NCOR1: variants seen among roughly 807,000 people sequenced by gnomAD.
NCOR1 encodes the protein protein phosphatase 1, regulatory subunit 109.
In NCOR1, 63 loss-of-function variants were observed where a neutral mutation model predicts 288.1. That is an observed-to-expected ratio of 0.22 (90% CI 0.18 to 0.27). The LOEUF (loss-of-function observed/expected upper bound fraction) is 0.27. Ranked by LOEUF, NCOR1 falls within the 10% of genes least tolerant of loss-of-function variation. NCOR1 has a pLI of 1.00. For synonymous variants in NCOR1, 1,007 were observed against 1,065.9 expected, an observed-to-expected ratio of 0.94 and a Z score of 1.08; for missense variants, 2,397 against 3,019.2, an observed-to-expected ratio of 0.79 and a Z score of 4.83.
intron 1 of NCOR1, among the ~76,000 whole-genome samples, chr17:16,207,413 C>T (rs1600583246): frequency 6.6e-6 from 1 of 152,126 alleles, no homozygotes; most frequent in Non-Finnish European, 1.5e-5. Context: ...AAAGGTGACT[C>T]TCATCATAAA....
At chr17:16,161,230 GACACAC>G (rs67635232) in intron 5 of NCOR1, among the ~76,000 whole-genome samples, 3,742 of 143,192 alleles carry the variant, frequency 0.026, 65 homozygotes, top group East Asian at 0.064. Flanking sequence ...AACACACACA[GACACAC>G]ACACACACAC....
At position 16,121,099 on chromosome 17, in the gene NCOR1, G is replaced by T; in HGVS notation, c.1805C>A (p.Ala602Glu). 6.2e-7 allele frequency: 1 copy of T among 1,614,074 alleles called. No homozygotes were observed. Among genetic ancestry groups the T allele is most frequent in the Non-Finnish European group, 8.5e-7 (1 of 1,179,972 alleles). ...AGGTGGTGGGGGCTCTTCAGTAGCC[G>T]CTGCGGCTGCAGCACTGGCAGCTGC... ...EAAAASAAAA[A>E]ATEEPPPPLP... The change falls in exon 16 of 46, where the codon GCG (alanine) becomes GAG (glutamate). Residue 602 changes from alanine (A) to glutamate (E), a missense_variant. This residue lies in a region of NCOR1 where 113 missense variants were observed against 139.5 expected (regional missense o/e 0.81). Coordinates refer to ENST00000268712, the MANE Select transcript of NCOR1 (RefSeq NM_006311.4).
chr17:16,144,314 C>G (rs1361110169), intron 10 of NCOR1, among the ~76,000 whole-genome samples: 1 of 152,120 alleles, frequency 6.6e-6, no homozygotes, highest in East Asian at 1.9e-4. Context: ...GGATGTAATA[C>G]TTTTAGGAAC....
intron 15 of NCOR1, among the ~76,000 whole-genome samples, chr17:16,122,032 T>C (rs1404571676): frequency 6.6e-6 from 1 of 152,192 alleles, no homozygotes; most frequent in Non-Finnish European, 1.5e-5. Context: ...GAACAGTGCC[T>C]GGAACACAGT....
At chr17:16,161,230 GACACACACACACACAC>G (rs67635232) in intron 5 of NCOR1, among the ~76,000 whole-genome samples, 32 of 143,114 alleles carry the variant, frequency 2.2e-4, no homozygotes, top group African/African-American at 4.1e-4. Flanking sequence ...AACACACACA[GACACACACACACACAC>G]ACACACACAC....
chr17:16,041,560 C>G (rs1257018133), intron 42 of NCOR1, among the ~76,000 whole-genome samples: 3 of 151,086 alleles, frequency 2.0e-5, no homozygotes, highest in South Asian at 2.1e-4. Context: ...ATTATAGGCC[C>G]CCCGCCACCA....
At chr17:16,187,046 A>G (rs968720402) in intron 2 of NCOR1, among the ~76,000 whole-genome samples, 2 of 152,204 alleles carry the variant, frequency 1.3e-5, no homozygotes, top group Admixed American at 1.3e-4. Flanking sequence ...AGCTGGAAGA[A>G]GGGTAATGGA....
At chr17:16,136,053 G>A (rs1370184685) in intron 14 of NCOR1, among the ~76,000 whole-genome samples, 1 of 152,196 alleles carries the variant, frequency 6.6e-6, no homozygotes. Context: ...CAGTCTCTCT[G>A]GTAAGCACCT....
intron 1 of NCOR1, among the ~76,000 whole-genome samples, chr17:16,204,303 C>A (rs1292004187): frequency 6.6e-6 from 1 of 152,052 alleles, no homozygotes; most frequent in African/African-American, 2.4e-5. Flanking sequence ...CAATTTTATC[C>A]CCCAAAATAT....
intron 1 of NCOR1, among the ~76,000 whole-genome samples, chr17:16,199,204 G>GAAAA (rs71353779): frequency 0.24 from 23,434 of 96,494 alleles, 4,332 homozygotes; most frequent in Middle Eastern, 0.37. Context: ...AATACAGAAG[G>GAAAA]AAAAAAAAAA....
At chr17:16,140,172 A>G (rs1257560386) in intron 11 of NCOR1, among the ~76,000 whole-genome samples, 1 of 152,212 alleles carries the variant, frequency 6.6e-6, no homozygotes, top group Non-Finnish European at 1.5e-5. Context: ...CATTTCAATC[A>G]TGTACTTACA....
intron 40 of NCOR1, among the ~76,000 whole-genome samples, chr17:16,052,412 C>T (rs2059427878): frequency 6.6e-6 from 1 of 151,982 alleles, no homozygotes; most frequent in Admixed American, 6.6e-5. Flanking sequence ...TCAGAAATGA[C>T]AAGGAATATT....
chr17:16,039,028 C>T (rs2057034691), intron 44 of NCOR1, among the ~76,000 whole-genome samples: 1 of 152,252 alleles, frequency 6.6e-6, no homozygotes, highest in South Asian at 2.1e-4. Flanking sequence ...CTCCGCCCCC[C>T]AAAGTGCTGG....
chr17:16,058,182 A>C, intron 38 of NCOR1, 118 bp from the exon 39 acceptor site: 1 of 1,167,664 alleles, frequency 8.6e-7, no homozygotes, highest in South Asian at 1.6e-5. Context: ...GCTCCAAACA[A>C]AGAACTTATC....
intron 29 of NCOR1, among the ~76,000 whole-genome samples, chr17:16,071,872 C>A (rs542238977): frequency 1.3e-5 from 2 of 152,066 alleles, no homozygotes; most frequent in Non-Finnish European, 2.9e-5. Flanking sequence ...ATCATTATTT[C>A]TTTAGGGTTG....
intron 14 of NCOR1, among the ~76,000 whole-genome samples, chr17:16,128,247 T>C (rs371286003): frequency 6.6e-6 from 1 of 152,230 alleles, no homozygotes; most frequent in Non-Finnish European, 1.5e-5. Context: ...AGCACTTGCA[T>C]AGCTTTCTAC....
In NCOR1 at chr17:16,080,472, G is replaced by A. The variant is rs372753414; in HGVS notation, c.3336C>T (p.Pro1112=). ...LPYIKQEEFS[P]RSQNSQPEGL... The stretch of plus-strand genomic sequence containing the variant: ...CCTCAGGTTGTGAGTTTTGGCTTCG[G>A]GGAGAAAATTCTTCCTGCTTGATGT... The change falls in exon 25 of 46, where the codon CCC becomes CCT. Residue 1112 remains proline (P), a synonymous_variant. Transcript: ENST00000268712. 19 of 1,614,156 alleles carry A rather than the reference G, an allele frequency of 1.2e-5. No individual in the cohort carries two copies. In the African/African-American group the frequency reaches 2.3e-4, roughly 19 times the overall value.
intron 14 of NCOR1, among the ~76,000 whole-genome samples, chr17:16,131,485 A>G (rs1420344677): frequency 6.6e-6 from 1 of 152,172 alleles, no homozygotes; most frequent in Non-Finnish European, 1.5e-5. Flanking sequence ...TTAAATGTTC[A>G]CCTTTTTTAG....
intron 14 of NCOR1, among the ~76,000 whole-genome samples, chr17:16,134,667 T>C (rs978699954): frequency 1.3e-5 from 2 of 152,064 alleles, no homozygotes; most frequent in Non-Finnish European, 2.9e-5. Flanking sequence ...CCGTGCCCCA[T>C]AGAACTTCCT....
Sources: allele counts gnomAD v4.1 joint callset (sites outside exome capture counted in the v4.1 genomes callset), GRCh38; gene constraint gnomAD v4.1.1; regional missense constraint gnomAD v4.1.1; transcripts MANE v1.5; gene names NCBI Gene and HGNC (gene_info 2026-07-23, HGNC 2026-07-21).